The following PCDHB5 variants were observed in gnomAD, a reference collection of about 807,000 sequenced individuals.
PCDHB5 encodes the protein protocadherin beta-5.
For missense variants in PCDHB5, 1,125 were observed against 1,029.4 expected (o/e 1.09, Z -1.27); for synonymous variants, 569 against 462.2 (o/e 1.23, Z -2.96).
rs782464724 is a variant in PCDHB5 at position 141,136,745 on chromosome 5, G to C, written c.1311G>C (p.Thr437=). The C allele has an allele frequency of 6.2e-6, 10 of 1,613,860 alleles. No individual in the cohort carries two copies. Among genetic ancestry groups the C allele is most frequent in the Admixed American group, 3.3e-5 (2 of 59,974 alleles). Residue 437 remains threonine (T), a synonymous_variant, in exon 1 of 1, where the codon ACG becomes ACC. Coordinates refer to ENST00000231134, the MANE Select transcript of PCDHB5 (RefSeq NM_015669.5). ...TPRLKTEHNI[T]VLVSDVNDNA... is the part of the protein sequence containing the mutation. ...GGCTGAAAACCGAGCACAACATAAC[G>C]GTCCTGGTCTCCGACGTCAATGACA... is the stretch of plus-strand genomic sequence containing the variant.
At position 141,138,354 on chromosome 5, in the gene PCDHB5, A is replaced by C. The variant is rs1342389276; in HGVS notation, c.*532A>C. 3 of 152,320 alleles carry C rather than the reference A, an allele frequency of 2.0e-5. No individual in the cohort carries two copies. Among genetic ancestry groups the C allele is most frequent in the African/African-American group, 7.2e-5 (3 of 41,456 alleles). The allele number at this position is 152,320 out of a possible 1,614,324, so 9.4% of individuals were successfully genotyped here. A position where few individuals can be genotyped will look rare whatever the true frequency, so the allele number is the denominator to read the frequency against. On this transcript the variant is annotated 3_prime_UTR_variant, in exon 1 of 1. Transcript: ENST00000231134. ...AGTCCTATTAGCAAACTTTTTAAAA[A>C]CAGTTTAATTGAATTATTACTTACA...
chr5:141,137,834 T>C lies in PCDHB5; in HGVS notation c.*12T>C, dbSNP rs1029429740. 1.3e-6 allele frequency: 2 copies of C among 1,558,618 alleles called. No individual in the cohort carries two copies. The highest frequency in any genetic ancestry group is 2.7e-5 in the African/African-American group (2 of 72,874). ...TTGGATTAAATTAGAGATCTCGTGATGACGCGTTGTTTTCTGCCATTTATC... is the reference window on the plus strand; with the variant it reads ...TTGGATTAAATTAGAGATCTCGTGACGACGCGTTGTTTTCTGCCATTTATC... On this transcript the variant is annotated 3_prime_UTR_variant, in exon 1 of 1. Transcript: ENST00000231134.
rs782528324 is a variant in PCDHB5 at position 141,136,651 on chromosome 5, G to A, written c.1217G>A (p.Arg406Lys). Residue 406 changes from arginine (R) to lysine (K), a missense_variant, in exon 1 of 1, where the codon AGA (arginine) becomes AAA (lysine). Coordinates refer to ENST00000231134, the MANE Select transcript of PCDHB5 (RefSeq NM_015669.5). Reference sequence around the variant, plus strand: ...AACTTTTACACCCTAGTGACACAGAGAACACTGGACAGAGAGAGCCAAGCC... The same window carrying A: ...AACTTTTACACCCTAGTGACACAGAAAACACTGGACAGAGAGAGCCAAGCC... ...LKNFYTLVTQ[R>K]TLDRESQAEY... 2.2e-5 allele frequency: 35 copies of A among 1,613,976 alleles called. No homozygotes were observed. The South Asian group carries it at 3.4e-4, about 16-fold the overall frequency.
In PCDHB5 at chr5:141,138,357, G is replaced by A. The variant is rs1752644292; in HGVS notation, c.*535G>A. The stretch of plus-strand genomic sequence containing the variant: ...CCTATTAGCAAACTTTTTAAAAACA[G>A]TTTAATTGAATTATTACTTACATGA... On this transcript the variant is annotated 3_prime_UTR_variant, in exon 1 of 1. Transcript: ENST00000231134. The A allele has an allele frequency of 6.6e-6, 1 of 152,256 alleles. No individual in the cohort carries two copies. Among genetic ancestry groups the A allele is most frequent in the African/African-American group, 2.4e-5 (1 of 41,438 alleles). The allele number at this position is 152,256 out of a possible 1,614,324, so 9.4% of individuals were successfully genotyped here.
Position 141,137,483 on chromosome 5 carries a change from C to T in PCDHB5, c.2049C>T (p.Asp683=), listed in dbSNP as rs1422719574. 5 of 1,612,656 alleles carry T rather than the reference C, an allele frequency of 3.1e-6. No homozygotes were observed. Among genetic ancestry groups the T allele is most frequent in the Non-Finnish European group, 4.2e-6 (5 of 1,179,752 alleles). The change falls in exon 1 of 1, where the codon GAC becomes GAT. Residue 683 remains aspartate (D), a synonymous_variant. Transcript: ENST00000231134. ...PEAAPAQAQA[D]SLTVYLVVAL... ...CGGCCCCGGCCCAGGCCCAGGCCGA[C>T]TCGCTCACTGTCTACCTGGTGGTGG...
At position 141,137,031 on chromosome 5, in the gene PCDHB5, A is replaced by G. The variant is rs1752600477; in HGVS notation, c.1597A>G (p.Thr533Ala). 1.2e-6 allele frequency: 2 copies of G among 1,611,980 alleles called. No homozygotes were observed. Among genetic ancestry groups the G allele is most frequent in the South Asian group, 2.2e-5 (2 of 90,974 alleles). The change falls in exon 1 of 1, where the codon ACA becomes GCA. Residue 533 changes from threonine (T) to alanine (A), a missense_variant. Thr to Ala is a moderately conservative substitution (Grantham distance 58). Transcript: ENST00000231134. ...LQAFEFRVGA[T>A]DRGSPALSSE... Reference sequence around the variant, plus strand: ...GGCGTTCGAGTTCCGCGTGGGAGCCACAGACCGCGGCTCCCCGGCGCTGAG... The same window carrying G: ...GGCGTTCGAGTTCCGCGTGGGAGCCGCAGACCGCGGCTCCCCGGCGCTGAG...
chr5:141,135,427 T>G lies in PCDHB5; in HGVS notation c.-8T>G. On this transcript the variant is annotated 5_prime_UTR_variant, in exon 1 of 1. Transcript: ENST00000231134. ...GTTAAACTGCGCCTTCTGGACCGGGTCTGAACAATGGAGACTGCGCTAGCA... is the reference window on the plus strand; with the variant it reads ...GTTAAACTGCGCCTTCTGGACCGGGGCTGAACAATGGAGACTGCGCTAGCA... The G allele has an allele frequency of 6.3e-7, 1 of 1,588,690 alleles. No individual in the cohort carries two copies. Among genetic ancestry groups the G allele is most frequent in the Non-Finnish European group, 8.6e-7 (1 of 1,166,222 alleles).
Position 141,135,538 on chromosome 5 carries a change from T to C in PCDHB5, c.104T>C (p.Ile35Thr). Residue 35 changes from isoleucine (I) to threonine (T), a missense_variant, in exon 1 of 1, where the codon ATA becomes ACA. Transcript: ENST00000231134. ...GGCTCTGAGGCAGTTAGGTATTCCA[T>C]ACCAGAAGAAACAGAAAGTGGCTAT... is the stretch of plus-strand genomic sequence containing the variant. ...EAGSEAVRYS[I>T]PEETESGYSV... 6.2e-7 allele frequency: 1 copy of C among 1,614,134 alleles called. No individual in the cohort carries two copies. The highest frequency in any genetic ancestry group is 2.2e-5 in the East Asian group (1 of 44,886).
At position 141,137,364 on chromosome 5, in the gene PCDHB5, A is replaced by C. The variant is rs1554276183; in HGVS notation, c.1930A>C (p.Lys644Gln). Reference sequence around the variant, plus strand: ...CAAGCACAGGCTGGTGGTGCTGGTCAAGGACAATGGCGAGCCTCCGCGCTC... The same window carrying C: ...CAAGCACAGGCTGGTGGTGCTGGTCCAGGACAATGGCGAGCCTCCGCGCTC... ...AAKHRLVVLV[K>Q]DNGEPPRSAT... The change falls in exon 1 of 1, where the codon AAG (lysine) becomes CAG (glutamine). Residue 644 changes from lysine (K) to glutamine (Q), a missense_variant. Transcript: ENST00000231134. 5 of 1,609,726 alleles carry C rather than the reference A, an allele frequency of 3.1e-6. No homozygotes were observed. Among genetic ancestry groups the C allele is most frequent in the Non-Finnish European group, 4.2e-6 (5 of 1,179,422 alleles).
chr5:141,135,213 T>C lies in PCDHB5; in HGVS notation c.-222T>C. The C allele has an allele frequency of 2.0e-6, 1 of 504,994 alleles. No homozygotes were observed. The highest frequency in any genetic ancestry group is 3.5e-6 in the Non-Finnish European group (1 of 289,016). The allele number at this position is 504,994 out of a possible 1,614,324, so 31.3% of individuals were successfully genotyped here. A position where few individuals can be genotyped will look rare whatever the true frequency, so the allele number is the denominator to read the frequency against. The stretch of plus-strand genomic sequence containing the variant: ...CTGGTGGCGCTGCAGGCTAAGAGTG[T>C]GGATAGTGGGCTCTGCGGATAACTC... On this transcript the variant is annotated 5_prime_UTR_variant, in exon 1 of 1. Transcript: ENST00000231134.
At position 141,137,421 on chromosome 5, in the gene PCDHB5, G is replaced by A. The variant is rs1173200266; in HGVS notation, c.1987G>A (p.Asp663Asn). Residue 663 changes from aspartate (D) to asparagine (N), a missense_variant, in exon 1 of 1, where the codon GAC becomes AAC. Transcript: ENST00000231134. The part of the protein sequence containing the change: ...ATATLHVLLV[D>N]GFSQPYLPLP... ...CGCCACGCTGCACGTGCTCCTGGTG[G>A]ACGGCTTCTCCCAGCCCTACCTGCC... 1 of 1,611,356 alleles carries A rather than the reference G, an allele frequency of 6.2e-7. No homozygotes were observed. The highest frequency in any genetic ancestry group is 1.3e-5 in the African/African-American group (1 of 74,890).
Position 141,136,091 on chromosome 5 carries a change from T to G in PCDHB5, c.657T>G (p.Ala219=), listed in dbSNP as rs1164061127. 3 of 1,613,976 alleles carry G rather than the reference T, an allele frequency of 1.9e-6. No homozygotes were observed. The African/African-American group carries it at 4.0e-5, about 22-fold the overall frequency. The change falls in exon 1 of 1, where the codon GCT becomes GCG. Residue 219 remains alanine, a synonymous_variant. Transcript: ENST00000231134. ...SLTLTALDGG[A]PPRSGTTTIR... is the part of the protein sequence containing the mutation. ...CACTCACTGCACTGGACGGTGGGGC[T>G]CCGCCCAGGTCCGGGACCACCACAA...
At position 141,137,036 on chromosome 5, in the gene PCDHB5, C is replaced by T. The variant is rs1554276076; in HGVS notation, c.1602C>T (p.Asp534=). The T allele has an allele frequency of 6.2e-6, 10 of 1,611,926 alleles. No homozygotes were observed. Among genetic ancestry groups the T allele is most frequent in the Admixed American group, 1.7e-5 (1 of 60,000 alleles). ...TCGAGTTCCGCGTGGGAGCCACAGACCGCGGCTCCCCGGCGCTGAGCAGCG... is the reference window on the plus strand; with the variant it reads ...TCGAGTTCCGCGTGGGAGCCACAGATCGCGGCTCCCCGGCGCTGAGCAGCG... ...QAFEFRVGAT[D]RGSPALSSEA... Residue 534 remains aspartate, a synonymous_variant, in exon 1 of 1, where the codon GAC becomes GAT. Transcript: ENST00000231134.
In PCDHB5 at chr5:141,137,642, G is replaced by T; in HGVS notation, c.2208G>T (p.Val736=). The part of the protein sequence containing the change: ...VPEGPFPGHL[V]DVSGTGTLSQ... ...AGGGCCCCTTTCCAGGGCATCTGGTGGACGTGAGCGGCACCGGGACCCTAT... is the reference window on the plus strand; with the variant it reads ...AGGGCCCCTTTCCAGGGCATCTGGTTGACGTGAGCGGCACCGGGACCCTAT... Residue 736 remains valine (V), a synonymous_variant, in exon 1 of 1, where the codon GTG becomes GTT. Coordinates refer to ENST00000231134, the MANE Select transcript of PCDHB5 (RefSeq NM_015669.5). The T allele has an allele frequency of 6.2e-7, 1 of 1,614,082 alleles. No homozygotes were observed. The highest frequency in any genetic ancestry group is 1.1e-5 in the South Asian group (1 of 91,064).
Position 141,135,656 on chromosome 5 carries a change from C to T in PCDHB5, c.222C>T (p.Leu74=). The T allele has an allele frequency of 1.2e-6, 2 of 1,614,072 alleles. No individual in the cohort carries two copies. The highest frequency in any genetic ancestry group is 1.7e-6 in the Non-Finnish European group (2 of 1,180,016). The part of the protein sequence containing the change: ...ARMHYKGNKE[L]LQLDIKTGNL... ...TGCATTACAAAGGAAACAAAGAGCT[C>T]TTGCAGCTTGATATAAAGACCGGCA... The change falls in exon 1 of 1, where the codon CTC becomes CTT. Residue 74 remains leucine, a synonymous_variant. Coordinates refer to ENST00000231134, the MANE Select transcript of PCDHB5 (RefSeq NM_015669.5).
At position 141,136,589 on chromosome 5, in the gene PCDHB5, G is replaced by C. The variant is rs1554275944; in HGVS notation, c.1155G>C (p.Gln385His). The change falls in exon 1 of 1, where the codon CAG becomes CAC. Residue 385 changes from glutamine to histidine, a missense_variant. Transcript: ENST00000231134. ...GDNGRMICSI[Q>H]NDLPFLLKPT... ...ACGGTAGGATGATTTGCTCCATCCAGAATGATCTCCCCTTTCTTTTGAAGC... is the reference window on the plus strand; with the variant it reads ...ACGGTAGGATGATTTGCTCCATCCACAATGATCTCCCCTTTCTTTTGAAGC... The C allele has an allele frequency of 1.9e-6, 3 of 1,614,106 alleles. No homozygotes were observed. The highest frequency in any genetic ancestry group is 2.5e-6 in the Non-Finnish European group (3 of 1,180,024).
rs782784428 is a variant in PCDHB5 at position 141,135,654 on chromosome 5, C to T, written c.220C>T (p.Leu74Phe). The T allele has an allele frequency of 6.2e-7, 1 of 1,614,034 alleles. No homozygotes were observed. The highest frequency in any genetic ancestry group is 1.7e-5 in the Admixed American group (1 of 60,006). Reference sequence around the variant, plus strand: ...AATGCATTACAAAGGAAACAAAGAGCTCTTGCAGCTTGATATAAAGACCGG... The same window carrying T: ...AATGCATTACAAAGGAAACAAAGAGTTCTTGCAGCTTGATATAAAGACCGG... The part of the protein sequence containing the change: ...ARMHYKGNKE[L>F]LQLDIKTGNL... The change falls in exon 1 of 1, where the codon CTC becomes TTC. Residue 74 changes from leucine (L) to phenylalanine (F), a missense_variant. Physicochemically the swap from Leu to Phe is conservative, Grantham distance 22 (BLOSUM62 0). Coordinates refer to ENST00000231134, the MANE Select transcript of PCDHB5 (RefSeq NM_015669.5).
In PCDHB5 at chr5:141,136,776, C is replaced by A. The variant is rs782006992; in HGVS notation, c.1342C>A (p.Pro448Thr). ...GGTCTCCGACGTCAATGACAACGCC[C>A]CCGCCTTCACCCAAACCTCCTACAC... Reference protein sequence around the residue: ...VLVSDVNDNAPAFTQTSYTLF... With the variant: ...VLVSDVNDNATAFTQTSYTLF... Residue 448 changes from proline (P) to threonine (T), a missense_variant, in exon 1 of 1, where the codon CCC (proline) becomes ACC (threonine). Coordinates refer to ENST00000231134, the MANE Select transcript of PCDHB5 (RefSeq NM_015669.5). 1.9e-6 allele frequency: 3 copies of A among 1,613,890 alleles called. No homozygotes were observed. Among genetic ancestry groups the A allele is most frequent in the Non-Finnish European group, 2.5e-6 (3 of 1,180,046 alleles).
chr5:141,137,432 C>T lies in PCDHB5; in HGVS notation c.1998C>T (p.Ser666=), dbSNP rs1190649205. 6.2e-7 allele frequency: 1 copy of T among 1,611,884 alleles called. No individual in the cohort carries two copies. Among genetic ancestry groups the T allele is most frequent in the African/African-American group, 1.3e-5 (1 of 74,896 alleles). ...TLHVLLVDGF[S]QPYLPLPEAA... is the part of the protein sequence containing the mutation. ...ACGTGCTCCTGGTGGACGGCTTCTC[C>T]CAGCCCTACCTGCCGCTGCCGGAGG... The change falls in exon 1 of 1, where the codon TCC becomes TCT. Residue 666 remains serine (S), a synonymous_variant. Coordinates refer to ENST00000231134, the MANE Select transcript of PCDHB5 (RefSeq NM_015669.5).
Sources: gnomAD v4.1 joint callset for allele counts on GRCh38, gnomAD v4.1.1 for gene constraint, MANE v1.5 for transcripts, NCBI Gene and HGNC (gene_info 2026-07-23, HGNC 2026-07-21) for gene names.